NWD1: variants seen among roughly 807,000 people sequenced by gnomAD.
NWD1 encodes NACHT and WD repeat domain containing 1, also known as NACHT domain- and WD repeat-containing protein 1.
A neutral mutation model predicts 135.1 loss-of-function variants in NWD1; 129 were observed. The ratio of observed to expected loss-of-function variants is 0.96; its 90% CI spans 0.83 to 1.11. The LOEUF (loss-of-function observed/expected upper bound fraction) is 1.11. Among genes scored for constraint, NWD1 ranks in the 50% least tolerant of loss-of-function variants. The pLI, the probability that NWD1 is intolerant of heterozygous loss-of-function variation, is 0.00. For missense variants in NWD1, 1,740 were observed against 1,851.3 expected (o/e 0.94, Z 1.10); for synonymous variants, 773 against 786.0 (o/e 0.98, Z 0.28).
At chr19:16,754,539 C>T (rs1343093028) in intron 6 of NWD1, among the ~76,000 whole-genome samples, 1 of 146,236 alleles carries the variant, frequency 6.8e-6, no homozygotes, top group African/African-American at 2.6e-5. Context: ...TATCCATCAT[C>T]TCGATCTTCC....
intron 18 of NWD1, among the ~76,000 whole-genome samples, chr19:16,811,759 T>C (rs1036256094): frequency 4.6e-5 from 7 of 152,132 alleles, no homozygotes; most frequent in South Asian, 4.1e-4. Flanking sequence ...CAGGTTTTCA[T>C]TGGATCCATC....
At chr19:16,762,517 G>A (rs1226487086) in intron 8 of NWD1, among the ~76,000 whole-genome samples, 1 of 151,718 alleles carries the variant, frequency 6.6e-6, no homozygotes, top group Non-Finnish European at 1.5e-5. Context: ...TACTGGTCTC[G>A]AACTCCTGCC....
At chr19:16,751,379 G>A (rs753246029) in intron 6 of NWD1, among the ~76,000 whole-genome samples, 1 of 150,844 alleles carries the variant, frequency 6.6e-6, no homozygotes, top group Non-Finnish European at 1.5e-5. Flanking sequence ...GAGAGAAAGA[G>A]GGAAGAAAGG....
chr19:16,788,893 G>T, intron 12 of NWD1, 89 bp from the exon 13 acceptor site: 1 of 841,354 alleles, frequency 1.2e-6, no homozygotes, highest in Non-Finnish European at 2.0e-6. Context: ...TGGTAAATGA[G>T]GGTATTTCCA....
chr19:16,789,757 G>A lies in NWD1; in HGVS notation c.2940+567G>A, dbSNP rs183644965. On this transcript the variant is annotated intron_variant, in intron 13 of 18. Transcript: ENST00000524140. Reference sequence around the variant, plus strand: ...TTTTGAGATGGAGTCCTGCTCTGTCGCCCAGGCTGGAGTACAGTGGTACAA... The same window carrying A: ...TTTTGAGATGGAGTCCTGCTCTGTCACCCAGGCTGGAGTACAGTGGTACAA... 5.7e-3 allele frequency among the ~76,000 whole-genome samples: 729 copies of A among 128,260 alleles called. 5 individuals carry two copies. Among genetic ancestry groups the A allele is most frequent in the African/African-American group, 0.02 (662 of 32,642 alleles). 84.1% of individuals were successfully genotyped at this position (128,260 alleles called of 152,430 possible). A position where few individuals can be genotyped will look rare whatever the true frequency, so the allele number is the denominator to read the frequency against.
intron 12 of NWD1, among the ~76,000 whole-genome samples, chr19:16,785,145 T>G (rs1167622901): frequency 6.6e-6 from 1 of 152,092 alleles, no homozygotes; most frequent in East Asian, 1.9e-4. Context: ...GCGAATGTTC[T>G]GGAACTAGAT....
chr19:16,788,793 T>C (rs1300379720), intron 12 of NWD1, among the ~76,000 whole-genome samples, 189 bp from the exon 13 acceptor site: 1 of 152,084 alleles, frequency 6.6e-6, no homozygotes, highest in Non-Finnish European at 1.5e-5. Context: ...TAGCCTTCCT[T>C]TATAGCCTGT....
At chr19:16,807,264 T>C (rs1243457889) in intron 17 of NWD1, among the ~76,000 whole-genome samples, 1 of 150,210 alleles carries the variant, frequency 6.7e-6, no homozygotes, top group Non-Finnish European at 1.5e-5. Context: ...GAGGCCAAGG[T>C]GGGTGGATCA....
chr19:16,760,045 CT>C (rs1197876224), intron 7 of NWD1, among the ~76,000 whole-genome samples: 1 of 150,810 alleles, frequency 6.6e-6, no homozygotes, highest in Non-Finnish European at 1.5e-5. Context: ...GTCCCAGCTA[CT>C]TGGGAGGCTG....
chr19:16,815,469 T>C lies in NWD1; in HGVS notation c.*430T>C, dbSNP rs1272905840. 2 of 583,964 alleles carry C rather than the reference T, an allele frequency of 3.4e-6. No individual in the cohort carries two copies. The highest frequency in any genetic ancestry group is 6.0e-6 in the Non-Finnish European group (2 of 330,830). 36.2% of individuals were successfully genotyped at this position (583,964 alleles called of 1,614,324 possible). Reference sequence around the variant, plus strand: ...TCAGATTATGGCTTCAGACCTTGTCTCTTCTCATCTTTCCATTATTCTTTC... The same window carrying C: ...TCAGATTATGGCTTCAGACCTTGTCCCTTCTCATCTTTCCATTATTCTTTC... On this transcript the variant is annotated 3_prime_UTR_variant, in exon 19 of 19. Coordinates refer to ENST00000524140, the MANE Select transcript of NWD1 (RefSeq NM_001007525.5).
intron 6 of NWD1, among the ~76,000 whole-genome samples, chr19:16,757,253 G>A (rs1968833428): frequency 6.6e-6 from 1 of 151,920 alleles, no homozygotes; most frequent in African/African-American, 2.4e-5. Context: ...CACACAGGAC[G>A]GTCCCCACCC....
At chr19:16,804,816 CT>C (rs112320738) in intron 17 of NWD1, among the ~76,000 whole-genome samples, 29,512 of 150,388 alleles carry the variant, frequency 0.2, 5,472 homozygotes, top group African/African-American at 0.49. Flanking sequence ...CCTGGGGCCT[CT>C]TTTTTTTGTT....
At chr19:16,720,805 G>A (rs1235168449) in intron 1 of NWD1, among the ~76,000 whole-genome samples, 4 of 151,906 alleles carry the variant, frequency 2.6e-5, no homozygotes, top group South Asian at 2.1e-4. Flanking sequence ...TGCCCTCCTC[G>A]GCTTCCCAAA....
intron 4 of NWD1, among the ~76,000 whole-genome samples, chr19:16,737,190 C>T (rs1267846772): frequency 1.3e-5 from 2 of 152,020 alleles, no homozygotes; most frequent in Non-Finnish European, 2.9e-5. Context: ...CAATTGCACC[C>T]CTTCTATCAA....
chr19:16,807,525 G>A (rs1970785799), intron 17 of NWD1, 61 bp from the exon 18 acceptor site: 1 of 1,365,208 alleles, frequency 7.3e-7, no homozygotes, highest in Non-Finnish European at 1.0e-6. Flanking sequence ...AACCACCAGG[G>A]AAGCAGGGCT....
intron 18 of NWD1, among the ~76,000 whole-genome samples, chr19:16,810,437 C>CAAAAAAA (rs529841524): frequency 3.0e-5 from 2 of 66,286 alleles, no homozygotes; most frequent in African/African-American, 5.4e-5. Context: ...GACTCCATCT[C>CAAAAAAA]AAAAAAAAAA....
intron 16 of NWD1, among the ~76,000 whole-genome samples, chr19:16,798,949 A>AC (rs1377336703): frequency 6.6e-6 from 1 of 151,510 alleles, no homozygotes; most frequent in African/African-American, 2.4e-5. Flanking sequence ...TAAAAAAAAA[A>AC]AAACATTAAA....
chr19:16,763,866 A>T lies in NWD1; in HGVS notation c.2172A>T (p.Ala724=), dbSNP rs548421170. 1.9e-6 allele frequency: 3 copies of T among 1,613,996 alleles called. No homozygotes were observed. In the African/African-American group the frequency reaches 4.0e-5, roughly 22 times the overall value. The change falls in exon 9 of 19, where the codon GCA becomes GCT. Residue 724 remains alanine (A), a synonymous_variant. Coordinates refer to ENST00000524140, the MANE Select transcript of NWD1 (RefSeq NM_001007525.5). The stretch of plus-strand genomic sequence containing the variant: ...CTCTGTGGTTCTCACATACGGTTGC[A>T]AACCTGCGGAAGCTGAAGGAGTTGC... The part of the protein sequence containing the change: ...PQPLWFSHTV[A]NLRKLKELPY...
chr19:16,769,827 C>A (rs558244333), intron 10 of NWD1, among the ~76,000 whole-genome samples: 1 of 152,278 alleles, frequency 6.6e-6, no homozygotes, highest in Non-Finnish European at 1.5e-5. Flanking sequence ...TTCCATCTGT[C>A]TTGGCTCTTT....
Sources: allele counts gnomAD v4.1 joint callset (sites outside exome capture counted in the v4.1 genomes callset), GRCh38; gene constraint gnomAD v4.1.1; transcripts MANE v1.5; gene names NCBI Gene and HGNC (gene_info 2026-07-23, HGNC 2026-07-21).